Variants in CSGALNACT1 observed in about 807,000 individuals in gnomAD.
CSGALNACT1 encodes chondroitin sulfate N-acetylgalactosaminyltransferase 1, also known as beta4GalNAcT-1.
Under a neutral mutation model 51.0 loss-of-function variants are expected in CSGALNACT1, and 52 were observed. That is an observed-to-expected ratio of 1.02 (90% CI 0.82 to 1.29). CSGALNACT1 has a LOEUF of 1.29. CSGALNACT1 is among the 50% of genes most tolerant of loss of function. CSGALNACT1 has a pLI of 0.00. For missense variants in CSGALNACT1, 935 were observed against 679.2 expected (o/e 1.38, Z -4.19); for synonymous variants, 341 against 254.4 (o/e 1.34, Z -3.24).
chr8:19,714,355 A>T (rs1472462498), intron 1 of CSGALNACT1, among the ~76,000 whole-genome samples: 1 of 151,170 alleles, frequency 6.6e-6, no homozygotes, highest in Non-Finnish European at 1.5e-5. Flanking sequence ...TGTTGTAATT[A>T]TCCTGCCTGG....
At chr8:19,493,014 A>G (rs1351205249) in intron 4 of CSGALNACT1, among the ~76,000 whole-genome samples, 2 of 151,998 alleles carry the variant, frequency 1.3e-5, no homozygotes, top group African/African-American at 4.8e-5. Flanking sequence ...GAGAAAGAGA[A>G]TCGACATCAA....
intron 1 of CSGALNACT1, among the ~76,000 whole-genome samples, chr8:19,615,912 G>C (rs1383670522): frequency 6.6e-6 from 1 of 152,146 alleles, no homozygotes; most frequent in Non-Finnish European, 1.5e-5. Flanking sequence ...GTATGAAGAA[G>C]TCTTAATTTA....
intron 3 of CSGALNACT1, among the ~76,000 whole-genome samples, chr8:19,513,793 T>C (rs1362934220): frequency 1.3e-5 from 2 of 152,070 alleles, no homozygotes; most frequent in African/African-American, 2.4e-5. Flanking sequence ...TGTAACACTA[T>C]GGTATTTGTG....
chr8:19,637,996 G>C (rs2056298180), intron 1 of CSGALNACT1, among the ~76,000 whole-genome samples: 1 of 152,168 alleles, frequency 6.6e-6, no homozygotes, highest in Non-Finnish European at 1.5e-5. Context: ...AAGCAGCAGT[G>C]GGTCCACTGA....
intron 4 of CSGALNACT1, among the ~76,000 whole-genome samples, chr8:19,481,164 C>T (rs2071276671): frequency 6.9e-6 from 1 of 145,272 alleles, no homozygotes; most frequent in African/African-American, 2.5e-5. Flanking sequence ...TTCATCTTTC[C>T]AGTCACATCT....
intron 4 of CSGALNACT1, among the ~76,000 whole-genome samples, chr8:19,464,140 T>G (rs887151972): frequency 6.6e-6 from 1 of 152,138 alleles, no homozygotes; most frequent in African/African-American, 2.4e-5. Context: ...ATTACACTCA[T>G]TCTCAACAGT....
At chr8:19,736,307 A>G (rs1212780603) in intron 1 of CSGALNACT1, among the ~76,000 whole-genome samples, 2 of 152,154 alleles carry the variant, frequency 1.3e-5, no homozygotes, top group Admixed American at 6.5e-5. Context: ...ATGACGACAG[A>G]CTTGAGTAGT....
exon 5 of CSGALNACT1, chr8:19,458,499 T>G (rs748894706): frequency 6.2e-7 from 1 of 1,614,210 alleles, no homozygotes; most frequent in Non-Finnish European, 8.5e-7. Context: ...ATAAGCGTGT[T>G]GGCCATGTTG....
At chr8:19,726,233 TA>T (rs2063393320) in intron 1 of CSGALNACT1, among the ~76,000 whole-genome samples, 1 of 152,202 alleles carries the variant, frequency 6.6e-6, no homozygotes, top group South Asian at 2.1e-4. Flanking sequence ...CATTAAATTT[TA>T]AAACAATAAT....
At chr8:19,653,549 T>C (rs1376815182) in intron 1 of CSGALNACT1, among the ~76,000 whole-genome samples, 3 of 152,174 alleles carry the variant, frequency 2.0e-5, no homozygotes, top group Non-Finnish European at 4.4e-5. Flanking sequence ...ATCCCAGCAC[T>C]TTGGGAGGCC....
chr8:19,643,487 A>C (rs778922534), intron 1 of CSGALNACT1, among the ~76,000 whole-genome samples: 3 of 152,062 alleles, frequency 2.0e-5, no homozygotes, highest in Non-Finnish European at 4.4e-5. Flanking sequence ...AAATACAAAA[A>C]ATTAGCTGGG....
chr8:19,422,150 A>C (rs1222419973), intron 6 of CSGALNACT1, among the ~76,000 whole-genome samples: 5 of 152,156 alleles, frequency 3.3e-5, no homozygotes, highest in Admixed American at 3.3e-4. Flanking sequence ...TTGGTTAAAA[A>C]AACTTACTTT....
chr8:19,638,396 TG>T (rs1183520073), intron 1 of CSGALNACT1, among the ~76,000 whole-genome samples: 7 of 152,160 alleles, frequency 4.6e-5, no homozygotes, highest in African/African-American at 1.7e-4. Flanking sequence ...CACTTGTCTT[TG>T]GGTTCAACCT....
intron 3 of CSGALNACT1, among the ~76,000 whole-genome samples, chr8:19,525,923 G>A (rs944620434): frequency 1.3e-5 from 2 of 152,094 alleles, no homozygotes; most frequent in African/African-American, 2.4e-5. Context: ...CTATATAACC[G>A]TAGTGCAATA....
intron 4 of CSGALNACT1, among the ~76,000 whole-genome samples, chr8:19,468,605 G>A (rs1361507471): frequency 6.6e-6 from 1 of 152,170 alleles, no homozygotes; most frequent in African/African-American, 2.4e-5. Context: ...GAAATGACAA[G>A]AGCCTGAACT....
chr8:19,722,218 G>A (rs1042608227), intron 1 of CSGALNACT1, among the ~76,000 whole-genome samples: 2 of 152,094 alleles, frequency 1.3e-5, no homozygotes, highest in East Asian at 3.9e-4. Context: ...AGACCGCCCT[G>A]CCTCTCCCAT....
intron 2 of CSGALNACT1, among the ~76,000 whole-genome samples, chr8:19,594,710 A>T (rs1411351756): frequency 2.1e-5 from 3 of 144,800 alleles, no homozygotes; most frequent in African/African-American, 2.5e-5. Flanking sequence ...GGCCTGGCTA[A>T]TTTTTTTTTT....
At chr8:19,682,836 C>G (rs1316827744), upstream of CSGALNACT1, 3 of 430,646 alleles carry the variant, frequency 7.0e-6, no homozygotes, top group Non-Finnish European at 1.4e-5. Flanking sequence ...GTTCTGCAAT[C>G]AGGGCCAGGA....
chr8:19,433,882 G>A (rs1168617733), intron 6 of CSGALNACT1, among the ~76,000 whole-genome samples: 3 of 152,170 alleles, frequency 2.0e-5, no homozygotes, highest in Non-Finnish European at 4.4e-5. Context: ...GAAGCCAAAA[G>A]ATTGGACACA....
Sources: gnomAD v4.1 joint callset for allele counts (sites outside exome capture counted in the v4.1 genomes callset) on GRCh38, gnomAD v4.1.1 for gene constraint, MANE v1.5 for transcripts, NCBI Gene and HGNC (gene_info 2026-07-23, HGNC 2026-07-21) for gene names.